POTEC: variants seen among roughly 807,000 people sequenced by gnomAD.
The protein encoded by POTEC is ANKRD26-like family B member 2.
A neutral mutation model predicts 62.0 loss-of-function variants in POTEC; 35 were observed. The ratio of observed to expected loss-of-function variants is 0.56; its 90% CI spans 0.43 to 0.75. The LOEUF (loss-of-function observed/expected upper bound fraction) is 0.75. Among genes scored for constraint, POTEC ranks in the 30% least tolerant of loss-of-function variants. The probability of loss-of-function intolerance (pLI) is 0.00; values close to 1 mark genes in which losing one functional copy is unlikely to be tolerated. For synonymous variants in POTEC, 156 were observed against 221.5 expected, an observed-to-expected ratio of 0.70 and a Z score of 2.62; for missense variants, 472 against 655.9, an observed-to-expected ratio of 0.72 and a Z score of 3.06.
chr18:14,525,358 A>G (rs1218576335), intron 6 of POTEC, among the ~76,000 whole-genome samples: 1 of 152,028 alleles, frequency 6.6e-6, no homozygotes, highest in Non-Finnish European at 1.5e-5. Flanking sequence ...GCACTTAGCT[A>G]CTCTGACTCT....
chr18:14,515,060 CA>C lies in POTEC; in HGVS notation c.1410-1276del, dbSNP rs1212951680. 7.9e-5 allele frequency among the ~76,000 whole-genome samples: 12 copies of C among 152,182 alleles called. No homozygotes were observed. The East Asian group carries it at 2.1e-3, about 27-fold the overall frequency. On this transcript the variant is annotated intron_variant, in intron 9 of 10. Coordinates refer to ENST00000358970, the MANE Select transcript of POTEC (RefSeq NM_001137671.2). ...CCACTGAAGAAAATCACAGATGATA[CA>C]AATAAATGAACATACATTCTATGTT...
Position 14,542,745 on chromosome 18 carries a change from G to C in POTEC, c.402C>G (p.His134Gln), listed in dbSNP as rs748910521. Residue 134 changes from histidine to glutamine, a missense_variant, in exon 1 of 11, where the codon CAC becomes CAG. By Grantham distance (24) the His-to-Gln change is conservative. Around this residue, in one of 5 missense-constraint regions of POTEC, gnomAD observed 257 missense variants for 250.7 expected, o/e 1.03. Coordinates refer to ENST00000358970, the MANE Select transcript of POTEC (RefSeq NM_001137671.2). The part of the protein sequence containing the change: ...DDSAFMEPRY[H>Q]VRREDLDKLH... Reference sequence around the variant, plus strand: ...GCTTGTCCAGATCTTCTCGACGGACGTGGTACCTCGGCTCCATGAAGGCGC... The same window carrying C: ...GCTTGTCCAGATCTTCTCGACGGACCTGGTACCTCGGCTCCATGAAGGCGC... 6.2e-7 allele frequency: 1 copy of C among 1,613,460 alleles called. No individual in the cohort carries two copies. The highest frequency in any genetic ancestry group is 8.5e-7 in the Non-Finnish European group (1 of 1,179,870).
intron 9 of POTEC, among the ~76,000 whole-genome samples, chr18:14,516,953 C>T (rs1376803751): frequency 6.6e-6 from 1 of 150,836 alleles, no homozygotes; most frequent in Non-Finnish European, 1.5e-5. Flanking sequence ...CTACCATATA[C>T]ATACATGAAC....
chr18:14,530,479 TTACC>T lies in POTEC; in HGVS notation c.1126_1126+3del. ...CTAAAGTAATTCATTATCACAAGTC[TTACC>T]TGGATTGCTGTTTTCAGAAGAGATT... is the stretch of plus-strand genomic sequence containing the variant. On this transcript the variant is annotated splice_donor_variant and splice_donor_region_variant and coding_sequence_variant and intron_variant, in exon 6 of 11. Coordinates refer to ENST00000358970, the MANE Select transcript of POTEC (RefSeq NM_001137671.2). LOFTEE classifies it high-confidence loss of function. The T allele has an allele frequency of 6.2e-7, 1 of 1,600,032 alleles. No homozygotes were observed. Among genetic ancestry groups the T allele is most frequent in the Non-Finnish European group, 8.5e-7 (1 of 1,173,050 alleles).
chr18:14,513,779 TTCG>T lies in POTEC; in HGVS notation c.1413_1415del (p.Asp471del), dbSNP rs1395828410. ...AAAGTTGTTTCCGGGTATCATTTTG[TTCG>T]TCACTAGAAGAAATTTTAATTTTCA... On this transcript the variant is annotated inframe_deletion, in exon 10 of 11. Transcript: ENST00000358970. 6.2e-7 allele frequency: 1 copy of T among 1,608,636 alleles called. No homozygotes were observed. Among genetic ancestry groups the T allele is most frequent in the Non-Finnish European group, 8.5e-7 (1 of 1,178,972 alleles).
At chr18:14,541,472 C>T (rs1041714535) in intron 1 of POTEC, among the ~76,000 whole-genome samples, 13 of 152,060 alleles carry the variant, frequency 8.5e-5, no homozygotes, top group African/African-American at 2.4e-4. Context: ...GGTGAAATCC[C>T]GTCTTAAGAA....
chr18:14,524,632 TA>T (rs1349558077), intron 7 of POTEC, among the ~76,000 whole-genome samples: 1 of 151,948 alleles, frequency 6.6e-6, no homozygotes, highest in Non-Finnish European at 1.5e-5. Flanking sequence ...AAGAATATTT[TA>T]AATAAGAATA....
chr18:14,537,817 A>G lies in POTEC; in HGVS notation c.794T>C (p.Ile265Thr), dbSNP rs756718445. Residue 265 changes from isoleucine (I) to threonine (T), a missense_variant, in exon 3 of 11, where the codon ATT becomes ACT. This residue lies in a region of POTEC where 52 missense variants were observed against 54.2 expected (regional missense o/e 0.96). Transcript: ENST00000358970. ...GATCTATACCTTGTTTTTTGATTCAATATCAGCACCATATAAGAGCAGTGC... is the reference window on the plus strand; with the variant it reads ...GATCTATACCTTGTTTTTTGATTCAGTATCAGCACCATATAAGAGCAGTGC... The part of the protein sequence containing the change: ...AKALLLYGAD[I>T]ESKNKCGLTP... 1.9e-6 allele frequency: 3 copies of G among 1,611,538 alleles called. No homozygotes were observed. The highest frequency in any genetic ancestry group is 2.5e-6 in the Non-Finnish European group (3 of 1,179,450).
rs543901693 is a variant in POTEC, at chr18:14,525,137, C to T, written c.1127-154G>A. 1.5e-4 allele frequency among the ~76,000 whole-genome samples: 23 copies of T among 152,028 alleles called. No individual in the cohort carries two copies. In the South Asian group the frequency reaches 4.6e-3, roughly 30 times the overall value. The stretch of plus-strand genomic sequence containing the variant: ...AAATAGTTACTTAGGAAATAATTCT[C>T]CAAAACTTCAACAAACCACTTGGGG... On this transcript the variant is annotated intron_variant, in intron 6 of 10. Coordinates refer to ENST00000358970, the MANE Select transcript of POTEC (RefSeq NM_001137671.2).
rs1276003776 is a variant in POTEC, at chr18:14,510,126, T to C, written c.*1772A>G. 2 of 151,566 alleles carry C rather than the reference T, an allele frequency of 1.3e-5. No homozygotes were observed. Among genetic ancestry groups the C allele is most frequent in the Admixed American group, 6.6e-5 (1 of 15,236 alleles). The allele number at this position is 151,566 out of a possible 1,614,324, so 9.4% of individuals were successfully genotyped here. On this transcript the variant is annotated 3_prime_UTR_variant, in exon 11 of 11. Coordinates refer to ENST00000358970, the MANE Select transcript of POTEC (RefSeq NM_001137671.2). ...GTAAGTTAGCAGTTACTTAATGTAA[T>C]CACCCCAGGATGGAGGGTCTGTGTT...
At chr18:14,529,621 T>C (rs1905431886) in intron 6 of POTEC, among the ~76,000 whole-genome samples, 1 of 152,200 alleles carries the variant, frequency 6.6e-6, no homozygotes, top group Non-Finnish European at 1.5e-5. Flanking sequence ...TTTATTATAA[T>C]CTGCTGAGCC....
intron 8 of POTEC, among the ~76,000 whole-genome samples, chr18:14,522,682 A>G (rs896953980): frequency 1.3e-5 from 2 of 152,124 alleles, no homozygotes; most frequent in African/African-American, 4.8e-5. Context: ...CAAAATTCAA[A>G]AAGGGCCCTC....
chr18:14,542,276 T>C (rs984373211), intron 1 of POTEC, among the ~76,000 whole-genome samples: 1 of 152,232 alleles, frequency 6.6e-6, no homozygotes, highest in Non-Finnish European at 1.5e-5. Context: ...TGATATATTA[T>C]GGGGCTTAGT....
At chr18:14,522,578 A>G (rs1465350115) in intron 8 of POTEC, among the ~76,000 whole-genome samples, 158 bp from the exon 9 acceptor site, 3 of 152,198 alleles carry the variant, frequency 2.0e-5, no homozygotes, top group African/African-American at 7.2e-5. Context: ...ATTACCGTAT[A>G]ATTTTAAGAT....
intron 9 of POTEC, among the ~76,000 whole-genome samples, chr18:14,515,214 G>C (rs1209081310): frequency 6.6e-6 from 1 of 152,150 alleles, no homozygotes; most frequent in African/African-American, 2.4e-5. Flanking sequence ...TGCCATTCAT[G>C]TAGAACCACA....
chr18:14,537,357 A>C (rs1472276483), intron 3 of POTEC, among the ~76,000 whole-genome samples: 3 of 151,960 alleles, frequency 2.0e-5, no homozygotes, highest in Non-Finnish European at 4.4e-5. Flanking sequence ...AAGCCTTGCC[A>C]CTGAGAGATA....
rs1456615646 is a variant in POTEC, at chr18:14,508,883, G to T, written c.*3015C>A. The T allele has an allele frequency of 2.6e-5, 4 of 152,234 alleles. No individual in the cohort carries two copies. The highest frequency in any genetic ancestry group is 5.9e-5 in the Non-Finnish European group (4 of 68,060). 9.4% of individuals were successfully genotyped at this position (152,234 alleles called of 1,614,324 possible). A position where few individuals can be genotyped will look rare whatever the true frequency, so the allele number is the denominator to read the frequency against. On this transcript the variant is annotated 3_prime_UTR_variant, in exon 11 of 11. Transcript: ENST00000358970. Reference sequence around the variant, plus strand: ...TTATCCATCTTCAATCTTTGAGGTTGCTGACCTTTGGACAGGGTATTTTTC... The same window carrying T: ...TTATCCATCTTCAATCTTTGAGGTTTCTGACCTTTGGACAGGGTATTTTTC...
intron 9 of POTEC, among the ~76,000 whole-genome samples, chr18:14,517,620 G>A (rs58183162): frequency 0.036 from 5,495 of 151,908 alleles, 354 homozygotes; most frequent in African/African-American, 0.13. Context: ...CCAGCACTTT[G>A]AAAGGCCGAA....
intron 9 of POTEC, 95 bp from the exon 10 acceptor site, chr18:14,513,880 A>T: frequency 6.3e-7 from 1 of 1,584,826 alleles, no homozygotes; most frequent in Non-Finnish European, 8.6e-7. Flanking sequence ...CACACAATGC[A>T]TATCTGCACA....
Sources: allele counts gnomAD v4.1 joint callset (sites outside exome capture counted in the v4.1 genomes callset), GRCh38; gene constraint gnomAD v4.1.1; regional missense constraint gnomAD v4.1.1; transcripts MANE v1.5; gene names NCBI Gene and HGNC (gene_info 2026-07-23, HGNC 2026-07-21).